Variants in FHL2 observed in about 807,000 individuals in gnomAD.
FHL2 encodes four and a half LIM domains 2.
A neutral mutation model predicts 32.7 loss-of-function variants in FHL2; 20 were observed. The ratio of observed to expected loss-of-function variants is 0.61; its 90% CI spans 0.43 to 0.89. FHL2 has a LOEUF of 0.89. Among genes scored for constraint, FHL2 ranks in the 40% least tolerant of loss-of-function variants. The pLI is 0.00. For synonymous variants in FHL2, 123 were observed against 128.1 expected (o/e 0.96, Z 0.27); for missense variants, 311 against 358.6 (o/e 0.87, Z 1.07).
chr2:105,431,954 G>T (rs528940216), intron 1 of FHL2, among the ~76,000 whole-genome samples: 1 of 152,332 alleles, frequency 6.6e-6, no homozygotes, highest in African/African-American at 2.4e-5. Flanking sequence ...TGCTGCTGCT[G>T]CTGCTGTTAA....
At chr2:105,422,462 AT>A (rs1014086736) in intron 1 of FHL2, among the ~76,000 whole-genome samples, 1 of 151,854 alleles carries the variant, frequency 6.6e-6, no homozygotes, top group African/African-American at 2.4e-5. Flanking sequence ...TAAGAGAAAT[AT>A]TTTTTTTATT....
chr2:105,384,238 A>G (rs983163465), intron 3 of FHL2, among the ~76,000 whole-genome samples: 30 of 152,208 alleles, frequency 2.0e-4, no homozygotes, highest in East Asian at 1.9e-4. Context: ...AAGCTTTTAT[A>G]ATTATATTTT....
At chr2:105,411,324 C>T (rs1683781836) in intron 1 of FHL2, among the ~76,000 whole-genome samples, 1 of 152,032 alleles carries the variant, frequency 6.6e-6, no homozygotes. Context: ...CAAATTGTAA[C>T]TTTAGAAAGA....
Position 105,391,331 on chromosome 2 carries a change from G to T in FHL2, c.-24-4791C>A, listed in dbSNP as rs574028114. Among the ~76,000 whole-genome samples, 139 of 152,324 alleles carry T rather than the reference G, an allele frequency of 9.1e-4. 1 individual carries two copies. Among genetic ancestry groups the T allele is most frequent in the Middle Eastern group, 6.8e-3 (2 of 294 alleles). On this transcript the variant is annotated intron_variant, in intron 2 of 6. Coordinates refer to ENST00000530340, the MANE Select transcript of FHL2 (RefSeq NM_001318895.3). Reference sequence around the variant, plus strand: ...CTACCAAGCCCCTTACTCAGTGCGTGCTGGAGGTGCACAGGTATGATGGGC... The same window carrying T: ...CTACCAAGCCCCTTACTCAGTGCGTTCTGGAGGTGCACAGGTATGATGGGC...
At chr2:105,399,855 G>C (rs1394269092), upstream of FHL2, among the ~76,000 whole-genome samples, 1 of 152,192 alleles carries the variant, frequency 6.6e-6, no homozygotes, top group South Asian at 2.1e-4. Flanking sequence ...TGCAGAAACC[G>C]GTGGACGATG....
chr2:105,408,915 C>T (rs545665308), intron 1 of FHL2, among the ~76,000 whole-genome samples: 111 of 152,298 alleles, frequency 7.3e-4, no homozygotes, highest in African/African-American at 2.6e-3. Context: ...AGGGACCCTA[C>T]ATCCAACGTG....
At chr2:105,413,251 C>T (rs1323969836) in intron 1 of FHL2, among the ~76,000 whole-genome samples, 1 of 152,216 alleles carries the variant, frequency 6.6e-6, no homozygotes, top group East Asian at 1.9e-4. Context: ...CTGCAACCCT[C>T]TTCCCTATTT....
At chr2:105,414,553 T>G (rs1485160165) in intron 1 of FHL2, among the ~76,000 whole-genome samples, 1 of 152,084 alleles carries the variant, frequency 6.6e-6, no homozygotes, top group Admixed American at 6.6e-5. Context: ...TTGTTTGGTT[T>G]GGTTTGGTTT....
Position 105,398,850 on chromosome 2 carries a change from C to T in FHL2, c.-84G>A. 1 of 1,453,856 alleles carries T rather than the reference C, an allele frequency of 6.9e-7. No homozygotes were observed. 90.1% of individuals were successfully genotyped at this position (1,453,856 alleles called of 1,614,324 possible). A position where few individuals can be genotyped will look rare whatever the true frequency, so the allele number is the denominator to read the frequency against. On this transcript the variant is annotated 5_prime_UTR_variant, in exon 1 of 7. Coordinates refer to ENST00000530340, the MANE Select transcript of FHL2 (RefSeq NM_001318895.3). ...CTCTGCTCTCCTCTCACCAGTCTCC[C>T]CAACTCCGGCTCTGCTCCCCTCTCC...
intron 4 of FHL2, among the ~76,000 whole-genome samples, chr2:105,371,745 A>G (rs1194214967): frequency 6.6e-6 from 1 of 152,196 alleles, no homozygotes; most frequent in African/African-American, 2.4e-5. Flanking sequence ...CAGCCCCTAG[A>G]GTCCCCAGTG....
intron 2 of FHL2, among the ~76,000 whole-genome samples, 153 bp from the exon 3 acceptor site, chr2:105,386,693 T>C (rs531042227): frequency 2.6e-5 from 4 of 151,710 alleles, no homozygotes; most frequent in African/African-American, 7.3e-5. Flanking sequence ...TAATCGGTCA[T>C]AATTTTTAAT....
At chr2:105,399,083 C>T, upstream of FHL2, 2 of 1,487,726 alleles carry the variant, frequency 1.3e-6, no homozygotes, top group Non-Finnish European at 8.9e-7. Context: ...CCTCGAGAAA[C>T]CCCGCCGTGT....
intron 2 of FHL2, among the ~76,000 whole-genome samples, chr2:105,391,423 C>T (rs1260080972): frequency 1.3e-5 from 2 of 152,238 alleles, no homozygotes; most frequent in African/African-American, 2.4e-5. Flanking sequence ...GTGCTAGGAA[C>T]AGGTCAGCCA....
rs867839872 is a variant in FHL2 at position 105,393,002 on chromosome 2, T to A, written c.-25+3645A>T. Among the ~76,000 whole-genome samples the A allele has an allele frequency of 1.3e-3, 192 of 148,778 alleles. 4 individuals are homozygous for A. Among genetic ancestry groups the A allele is most frequent in the African/African-American group, 4.3e-3 (176 of 40,498 alleles). On this transcript the variant is annotated intron_variant, in intron 2 of 6. Coordinates refer to ENST00000530340, the MANE Select transcript of FHL2 (RefSeq NM_001318895.3). Reference sequence around the variant, plus strand: ...ACCCAGCTAATTTTTTTTTTTTTTTTAACCAGAAAGATTTCGATCAAAGGA... The same window carrying A: ...ACCCAGCTAATTTTTTTTTTTTTTTAAACCAGAAAGATTTCGATCAAAGGA...
intron 5 of FHL2, among the ~76,000 whole-genome samples, chr2:105,366,373 G>A (rs886327628): frequency 1.3e-5 from 2 of 152,210 alleles, no homozygotes; most frequent in African/African-American, 4.8e-5. Context: ...AGACGCAAGG[G>A]TAGAGGCCCC....
At chr2:105,363,733 T>G (rs1168107683) in intron 5 of FHL2, among the ~76,000 whole-genome samples, 1 of 152,208 alleles carries the variant, frequency 6.6e-6, no homozygotes, top group Non-Finnish European at 1.5e-5. Flanking sequence ...GCTGGGGATC[T>G]AAGGCATAGG....
chr2:105,391,695 A>G lies in FHL2; in HGVS notation c.-25+4952T>C, dbSNP rs141633709. 5.8e-3 allele frequency among the ~76,000 whole-genome samples: 878 copies of G among 152,358 alleles called. 8 individuals are homozygous for G. The highest frequency in any genetic ancestry group is 0.02 in the African/African-American group (822 of 41,582). On this transcript the variant is annotated intron_variant, in intron 2 of 6. Coordinates refer to ENST00000530340, the MANE Select transcript of FHL2 (RefSeq NM_001318895.3). ...TGACTCCTAAAAAATGTATCAGGGT[A>G]TCAGAGCCCATTTCTGAATGATTTC...
At chr2:105,400,215 G>A (rs1322017984), upstream of FHL2, among the ~76,000 whole-genome samples, 1 of 152,178 alleles carries the variant, frequency 6.6e-6, no homozygotes, top group Non-Finnish European at 1.5e-5. Flanking sequence ...AACTGTGCCA[G>A]CTGAGATTTG....
At position 105,361,398 on chromosome 2, in the gene FHL2, C is replaced by T. The variant is rs188279857; in HGVS notation, c.725G>A (p.Arg242Gln). Residue 242 changes from arginine (R) to glutamine (Q), a missense_variant, in exon 7 of 7, where the codon CGG becomes CAG. Physicochemically the swap from Arg to Gln is conservative, Grantham distance 43 (BLOSUM62 1). Transcript: ENST00000530340. ...GTTAAAGCAGTCGTTATGCCACTGC[C>T]GTTCCTCAAAGGAGATGTATTTTGT... ...GGTKYISFEERQWHNDCFNCK... is the reference protein window; with the variant it reads ...GGTKYISFEEQQWHNDCFNCK... 97 of 1,614,056 alleles carry T rather than the reference C, an allele frequency of 6.0e-5. No homozygotes were observed. Among genetic ancestry groups the T allele is most frequent in the Non-Finnish European group, 7.4e-5 (87 of 1,179,946 alleles).
Sources: gnomAD v4.1 joint callset for allele counts (sites outside exome capture counted in the v4.1 genomes callset) on GRCh38, gnomAD v4.1.1 for gene constraint, MANE v1.5 for transcripts, NCBI Gene and HGNC (gene_info 2026-07-23, HGNC 2026-07-21) for gene names.